Variants in LAMA3 observed in about 807,000 individuals in gnomAD.
LAMA3 encodes the protein laminin subunit alpha 3.
LAMA3 carries 281 observed loss-of-function variants against 402.0 expected under a neutral mutation model. The ratio of observed to expected loss-of-function variants is 0.70; its 90% CI spans 0.63 to 0.77. The LOEUF is 0.77. Among genes scored for constraint, LAMA3 ranks in the 30% least tolerant of loss-of-function variants. The pLI, the probability that LAMA3 is intolerant of heterozygous loss-of-function variation, is 0.00. For synonymous variants in LAMA3, 1,431 were observed against 1,558.4 expected (o/e 0.92, Z 1.93); for missense variants, 3,840 against 4,215.5 (o/e 0.91, Z 2.47).
chr18:23,944,080 G>A (rs181785357), intron 69 of LAMA3, 109 bp downstream of exon 69: 3 of 1,094,322 alleles, frequency 2.7e-6, no homozygotes, highest in Non-Finnish European at 2.7e-6. Flanking sequence ...CGTGGAGTGG[G>A]AGAGCTTGTG....
At chr18:23,910,998 C>T (rs1055355945) in intron 55 of LAMA3, among the ~76,000 whole-genome samples, 34 of 151,934 alleles carry the variant, frequency 2.2e-4, no homozygotes, top group African/African-American at 7.5e-4. Flanking sequence ...GAGAGGGGAA[C>T]GGGTGCCAGT....
rs45587931 is a variant in LAMA3 at position 23,932,808 on chromosome 18, G to A, written c.8708+517G>A. Among the ~76,000 whole-genome samples the A allele has an allele frequency of 3.2e-3, 491 of 152,226 alleles. 3 individuals are homozygous for A. The highest frequency in any genetic ancestry group is 4.8e-3 in the Non-Finnish European group (329 of 68,010). On this transcript the variant is annotated intron_variant, in intron 66 of 74. Coordinates refer to ENST00000313654, the MANE Select transcript of LAMA3 (RefSeq NM_198129.4). ...GATAAGAGGCAAAATCTTCTCCAGG[G>A]TAAGGAGAGGGCCTGGTTCTGGCTA...
chr18:23,690,450 C>G (rs1227577058), intron 1 of LAMA3, among the ~76,000 whole-genome samples: 2 of 152,234 alleles, frequency 1.3e-5, no homozygotes, highest in African/African-American at 4.8e-5. Context: ...CGGTATCACT[C>G]TAATGTTACT....
chr18:23,918,401 G>A lies in LAMA3; in HGVS notation c.7923+1706G>A, dbSNP rs562745769. ...ATCTACTTATTCTGACCCAAAACAT[G>A]TGAAAACTTCCTGGGATCTCTAAGA... is the stretch of plus-strand genomic sequence containing the variant. On this transcript the variant is annotated intron_variant, in intron 60 of 74. Transcript: ENST00000313654. The surrounding 1 kb of genome is among the most constrained non-coding windows in gnomAD (Gnocchi z 4.1). Among the ~76,000 whole-genome samples, 4 of 152,296 alleles carry A rather than the reference G, an allele frequency of 2.6e-5. No individual in the cohort carries two copies. The highest frequency in any genetic ancestry group is 2.0e-4 in the Admixed American group (3 of 15,288).
At chr18:23,714,507 G>A (rs992790442) in intron 2 of LAMA3, among the ~76,000 whole-genome samples, 1 of 152,156 alleles carries the variant, frequency 6.6e-6, no homozygotes, top group Non-Finnish European at 1.5e-5. Context: ...GCAACAGAGA[G>A]AGACTCCATC....
At chr18:23,941,226 G>T (rs965698042) in intron 68 of LAMA3, among the ~76,000 whole-genome samples, 1 of 151,452 alleles carries the variant, frequency 6.6e-6, no homozygotes, top group Non-Finnish European at 1.5e-5. Context: ...GTGAGCCACC[G>T]CGCCCGGCCA....
At chr18:23,899,609 C>T (rs1432461827) in intron 47 of LAMA3, 154 bp downstream of exon 47, 9 of 763,902 alleles carry the variant, frequency 1.2e-5, no homozygotes, top group Admixed American at 8.5e-5. Flanking sequence ...AAATTGGTAG[C>T]CCCCAGGAGT....
Position 23,810,260 on chromosome 18 carries a change from G to A in LAMA3, c.1604-106G>A, listed in dbSNP as rs1034832112. ...CATAAGAAGTGGAGCTGGAATTTGT[G>A]TTTGGGTCTTTCTGGCTCCACCCTC... On this transcript the variant is annotated intron_variant, in intron 12 of 74. Transcript: ENST00000313654. 6 of 1,337,846 alleles carry A rather than the reference G, an allele frequency of 4.5e-6. No homozygotes were observed. The Admixed American group carries it at 5.1e-5, about 11-fold the overall frequency. 82.9% of individuals were successfully genotyped at this position (1,337,846 alleles called of 1,614,324 possible).
At chr18:23,830,341 T>C (rs1451601017) in intron 23 of LAMA3, among the ~76,000 whole-genome samples, 5 of 152,074 alleles carry the variant, frequency 3.3e-5, no homozygotes, top group African/African-American at 4.8e-5. Flanking sequence ...CACTACACCA[T>C]ACTCCTCCCC....
chr18:23,734,478 A>G (rs1568125925), intron 2 of LAMA3, among the ~76,000 whole-genome samples: 1 of 152,204 alleles, frequency 6.6e-6, no homozygotes, highest in Non-Finnish European at 1.5e-5. Flanking sequence ...TTTGGCATGC[A>G]TGGTCACTGC....
At chr18:23,925,746 T>C (rs896902444) in intron 62 of LAMA3, among the ~76,000 whole-genome samples, 2 of 152,166 alleles carry the variant, frequency 1.3e-5, no homozygotes, top group Admixed American at 1.3e-4. Context: ...GAACTGTAGG[T>C]CCTCAGGTAA....
Position 23,938,556 on chromosome 18 carries a change from C to T in LAMA3, c.8863-667C>T, listed in dbSNP as rs556686133. On this transcript the variant is annotated intron_variant, in intron 67 of 74. Transcript: ENST00000313654. Reference sequence around the variant, plus strand: ...TCCCCTCCCTTCTCTTTCTCTCCTGCTATCTTGGTCCTTTCACCTGCCCTG... The same window carrying T: ...TCCCCTCCCTTCTCTTTCTCTCCTGTTATCTTGGTCCTTTCACCTGCCCTG... Among the ~76,000 whole-genome samples the T allele has an allele frequency of 4.6e-5, 7 of 152,202 alleles. No homozygotes were observed. In the South Asian group the frequency reaches 1.0e-3, roughly 23 times the overall value.
chr18:23,944,954 G>A (rs879435102), intron 69 of LAMA3, among the ~76,000 whole-genome samples: 1 of 152,266 alleles, frequency 6.6e-6, no homozygotes, highest in East Asian at 1.9e-4. Context: ...CCAACATGGT[G>A]AAACCCCATC....
At chr18:23,851,730 G>A (rs914128273) in intron 32 of LAMA3, among the ~76,000 whole-genome samples, 4 of 152,144 alleles carry the variant, frequency 2.6e-5, no homozygotes, top group African/African-American at 9.7e-5. Context: ...ATCCTTGAGG[G>A]CTATCCTATT....
intron 40 of LAMA3, among the ~76,000 whole-genome samples, chr18:23,883,082 G>T (rs186013734): frequency 5.1e-4 from 77 of 152,304 alleles, no homozygotes; most frequent in Non-Finnish European, 9.4e-4. Flanking sequence ...GTGTTCAAGG[G>T]CAGTGAGAAG....
At chr18:23,844,927 G>C in intron 29 of LAMA3, 82 bp from the exon 30 acceptor site, 1 of 820,768 alleles carries the variant, frequency 1.2e-6, no homozygotes, top group South Asian at 1.4e-5. Context: ...TTTCGAGTAG[G>C]GGTGCTCAAC....
chr18:23,823,184 G>A (rs2144412747), intron 20 of LAMA3, among the ~76,000 whole-genome samples: 1 of 152,294 alleles, frequency 6.6e-6, no homozygotes, highest in East Asian at 1.9e-4. Context: ...GAATGAACTA[G>A]CAGGCTTACT....
intron 11 of LAMA3, 106 bp from the exon 12 acceptor site, chr18:23,783,917 G>A: frequency 7.1e-7 from 1 of 1,415,462 alleles, no homozygotes; most frequent in Non-Finnish European, 1.0e-6. Context: ...AACAGCCATA[G>A]ATAATTAATA....
chr18:23,850,783 A>G (rs1428455581), intron 32 of LAMA3, among the ~76,000 whole-genome samples: 1 of 152,240 alleles, frequency 6.6e-6, no homozygotes, highest in Non-Finnish European at 1.5e-5. Context: ...GAACATACAA[A>G]AGGGCTAGAA....
Sources: allele counts gnomAD v4.1 joint callset (sites outside exome capture counted in the v4.1 genomes callset), GRCh38; gene constraint gnomAD v4.1.1; non-coding constraint Gnocchi (gnomAD v3.1); transcripts MANE v1.5; gene names NCBI Gene and HGNC (gene_info 2026-07-23, HGNC 2026-07-21).